The following ASIC5 variants were observed in gnomAD, a reference collection of about 807,000 sequenced individuals.
ASIC5 encodes acid sensing ion channel subunit family member 5.
In ASIC5, 52 loss-of-function variants were observed where a neutral mutation model predicts 51.2. That is an observed-to-expected ratio of 1.02 (90% CI 0.81 to 1.28). ASIC5 has a LOEUF of 1.28. ASIC5 is among the 50% of genes most tolerant of loss of function. The pLI, the probability that ASIC5 is intolerant of heterozygous loss-of-function variation, is 0.00. For synonymous variants in ASIC5, 231 were observed against 200.7 expected (o/e 1.15, Z -1.28); for missense variants, 635 against 595.0 (o/e 1.07, Z -0.70).
chr4:155,847,770 C>T (rs1741289240), intron 4 of ASIC5, among the ~76,000 whole-genome samples: 1 of 151,494 alleles, frequency 6.6e-6, no homozygotes, highest in Non-Finnish European at 1.5e-5. Context: ...AGATGTGGGG[C>T]CAGAAATTAA....
At chr4:155,854,536 G>T (rs1043594006) in intron 2 of ASIC5, among the ~76,000 whole-genome samples, 5 of 152,020 alleles carry the variant, frequency 3.3e-5, no homozygotes, top group Non-Finnish European at 5.9e-5. Context: ...ATATTCCCCA[G>T]ACCTTGATCT....
At chr4:155,854,477 C>G (rs953351724) in intron 2 of ASIC5, among the ~76,000 whole-genome samples, 163 bp from the exon 3 acceptor site, 2 of 152,176 alleles carry the variant, frequency 1.3e-5, no homozygotes, top group East Asian at 3.9e-4. Context: ...GTCTTTGACC[C>G]ATTGTGCAAT....
intron 2 of ASIC5, among the ~76,000 whole-genome samples, chr4:155,855,852 C>G (rs76410061): frequency 0.062 from 9,472 of 151,892 alleles, 996 homozygotes; most frequent in African/African-American, 0.22. Context: ...GCAAAGCTGT[C>G]TTTTATGTGG....
At chr4:155,851,572 G>A (rs993125949) in intron 4 of ASIC5, among the ~76,000 whole-genome samples, 1 of 151,886 alleles carries the variant, frequency 6.6e-6, no homozygotes, top group African/African-American at 2.4e-5. Flanking sequence ...CAAAAGGTCA[G>A]AATTAACTAA....
In ASIC5 at chr4:155,829,874, A is replaced by G. The variant is rs186671410; in HGVS notation, c.1500T>C (p.Asn500=). 2.5e-6 allele frequency: 4 copies of G among 1,592,938 alleles called. No homozygotes were observed. The African/African-American group carries it at 5.4e-5, about 22-fold the overall frequency. Residue 500 remains asparagine, a synonymous_variant, in exon 10 of 10, where the codon AAT becomes AAC. Transcript: ENST00000537611. The part of the protein sequence containing the change: ...PPPQNHLGNK[N]RIEEC ...GTGACCATTAACACTCCTCTATCCT[A>G]TTTTTATTTCCCAGATGATTCTGAG...
At chr4:155,855,173 A>G (rs1741500453) in intron 2 of ASIC5, 1 of 151,924 alleles carries the variant, frequency 6.6e-6, no homozygotes, top group South Asian at 2.1e-4. Context: ...CAGCCACTTG[A>G]TGGTATGACT....
intron 2 of ASIC5, among the ~76,000 whole-genome samples, chr4:155,860,308 T>G: frequency 1.3e-5 from 2 of 151,966 alleles, no homozygotes; most frequent in Admixed American, 1.3e-4. Flanking sequence ...ATTTTTCACC[T>G]CCTAAAAATA....
intron 4 of ASIC5, among the ~76,000 whole-genome samples, chr4:155,845,801 T>C (rs1056008993): frequency 2.6e-5 from 4 of 152,226 alleles, no homozygotes; most frequent in Admixed American, 6.5e-5. Flanking sequence ...CTGTACCTTA[T>C]GATATAAAGT....
chr4:155,835,224 A>T (rs1391396048), intron 8 of ASIC5, among the ~76,000 whole-genome samples: 1 of 151,984 alleles, frequency 6.6e-6, no homozygotes, highest in Non-Finnish European at 1.5e-5. Context: ...GGTTGCAGGC[A>T]CCCAATGCTA....
intron 6 of ASIC5, among the ~76,000 whole-genome samples, chr4:155,839,109 A>C (rs956802534): frequency 3.9e-5 from 6 of 152,130 alleles, no homozygotes; most frequent in African/African-American, 1.4e-4. Flanking sequence ...CCATCTGTCT[A>C]TATCACTCTA....
intron 1 of ASIC5, chr4:155,865,241 A>C (rs773726754): frequency 1.4e-4 from 21 of 152,068 alleles, no homozygotes; most frequent in Non-Finnish European, 2.8e-4. Context: ...AAATCTTAGA[A>C]TAGCACCGTT....
At chr4:155,865,138 AATTAT>A (rs1344328181) in intron 1 of ASIC5, 1 of 151,892 alleles carries the variant, frequency 6.6e-6, no homozygotes, top group East Asian at 1.9e-4. Context: ...TTCACTTACA[AATTAT>A]ATTATTATTA....
rs538379352 is a variant in ASIC5, at chr4:155,838,474, C to G, written c.1066+339G>C. On this transcript the variant is annotated intron_variant, in intron 7 of 9. Transcript: ENST00000537611. The stretch of plus-strand genomic sequence containing the variant: ...AGAGGAGTTCTCAGTAATAAAACTT[C>G]TATTTATTTTTACATGATTTCCTTT... 3.3e-5 allele frequency among the ~76,000 whole-genome samples: 5 copies of G among 152,128 alleles called. No homozygotes were observed. The East Asian group carries it at 9.7e-4, about 29-fold the overall frequency.
At chr4:155,843,311 G>A (rs982327946) in intron 5 of ASIC5, among the ~76,000 whole-genome samples, 1 of 152,084 alleles carries the variant, frequency 6.6e-6, no homozygotes, top group Non-Finnish European at 1.5e-5. Flanking sequence ...TAAGTGGCTG[G>A]CAAACAGAAA....
chr4:155,846,474 A>C (rs776919366), intron 4 of ASIC5, among the ~76,000 whole-genome samples: 1 of 152,152 alleles, frequency 6.6e-6, no homozygotes, highest in Non-Finnish European at 1.5e-5. Flanking sequence ...CCTAGTCCAC[A>C]GGCAGTAAGG....
At chr4:155,832,830 C>A (rs1740898309) in intron 8 of ASIC5, among the ~76,000 whole-genome samples, 1 of 152,156 alleles carries the variant, frequency 6.6e-6, no homozygotes, top group South Asian at 2.1e-4. Flanking sequence ...GCCTTCATGA[C>A]CTCTCACCTG....
chr4:155,856,010 A>T (rs976992967), intron 2 of ASIC5, among the ~76,000 whole-genome samples: 3 of 152,046 alleles, frequency 2.0e-5, no homozygotes, highest in African/African-American at 7.2e-5. Context: ...AGAAGTCTTC[A>T]TCTATATAAC....
At chr4:155,834,986 C>T (rs1740944221) in intron 8 of ASIC5, among the ~76,000 whole-genome samples, 2 of 152,096 alleles carry the variant, frequency 1.3e-5, no homozygotes, top group South Asian at 2.1e-4. Context: ...CCCCTTCTGG[C>T]TCCTGATCCA....
chr4:155,838,629 G>GT (rs1320759564), intron 7 of ASIC5, among the ~76,000 whole-genome samples, 184 bp downstream of exon 7: 17 of 152,170 alleles, frequency 1.1e-4, no homozygotes, highest in African/African-American at 3.6e-4. Flanking sequence ...ATATCAGAGG[G>GT]TTTTTGTTTG....
Sources: gnomAD v4.1 joint callset for allele counts (sites outside exome capture counted in the v4.1 genomes callset) on GRCh38, gnomAD v4.1.1 for gene constraint, MANE v1.5 for transcripts, NCBI Gene and HGNC (gene_info 2026-07-23, HGNC 2026-07-21) for gene names.